TTC21B: variants seen among roughly 807,000 people sequenced by gnomAD.
TTC21B encodes the protein tetratricopeptide repeat domain 21B, also known as tetratricopeptide repeat protein 21B.
In TTC21B, 127 loss-of-function variants were observed where a neutral mutation model predicts 175.1. That is an observed-to-expected ratio of 0.73 (90% confidence interval 0.63 to 0.84). The LOEUF (loss-of-function observed/expected upper bound fraction) is 0.84, where lower values mean the gene tolerates loss of function less well. Ranked by LOEUF, TTC21B falls within the 40% of genes least tolerant of loss-of-function variation. The probability of loss-of-function intolerance (pLI) is 0.00; values close to 1 mark genes in which losing one functional copy is unlikely to be tolerated. For missense variants in TTC21B, 1,561 were observed against 1,558.3 expected, an observed-to-expected ratio of 1.00 and a Z score of -0.03; for synonymous variants, 524 against 524.5, an observed-to-expected ratio of 1.00 and a Z score of 0.01.
intron 6 of TTC21B, 53 bp from the exon 7 acceptor site, chr2:165,933,110 A>G (rs1553514620): frequency 1.0e-5 from 16 of 1,533,666 alleles, no homozygotes; most frequent in Middle Eastern, 3.4e-4. Context: ...ATTTTCTTTT[A>G]TTCGAGGGCA....
chr2:165,890,680 G>A (rs768220773), intron 23 of TTC21B, 40 bp from the exon 24 acceptor site: 11 of 1,593,244 alleles, frequency 6.9e-6, no homozygotes, highest in East Asian at 2.2e-5. Flanking sequence ...TTCAATCACT[G>A]ACTACAAAAT....
intron 6 of TTC21B, among the ~76,000 whole-genome samples, chr2:165,937,769 A>AACCACAC (rs1255737650): frequency 4.5e-4 from 52 of 114,392 alleles, no homozygotes; most frequent in African/African-American, 1.4e-3. Context: ...AATATATAGA[A>AACCACAC]ACCACACACA....
At chr2:165,891,841 T>C (rs1685207309) in intron 22 of TTC21B, among the ~76,000 whole-genome samples, 2 of 151,954 alleles carry the variant, frequency 1.3e-5, no homozygotes, top group African/African-American at 2.4e-5. Flanking sequence ...GATTAGCACA[T>C]TTTGGTGTGC....
At position 165,941,197 on chromosome 2, in the gene TTC21B, A is replaced by T; in HGVS notation, c.553-13T>A. 1 of 1,612,564 alleles carries T rather than the reference A, an allele frequency of 6.2e-7. No individual in the cohort carries two copies. On this transcript the variant is annotated splice_polypyrimidine_tract_variant and intron_variant, in intron 5 of 28. Coordinates refer to ENST00000243344, the MANE Select transcript of TTC21B (RefSeq NM_024753.5). ...CAAGGCATTGTGCCTAATGGAAGGG[A>T]AAAAAAGTGATATCCAAACTGTGAT...
In TTC21B at chr2:165,918,774, T is replaced by C. The variant is rs532106484; in HGVS notation, c.1674+502A>G. 2.0e-5 allele frequency among the ~76,000 whole-genome samples: 3 copies of C among 152,302 alleles called. No homozygotes were observed. The South Asian group carries it at 6.2e-4, about 32-fold the overall frequency. On this transcript the variant is annotated intron_variant, in intron 13 of 28. Coordinates refer to ENST00000243344, the MANE Select transcript of TTC21B (RefSeq NM_024753.5). ...AGGGGATACTGGATATAACACATAATATCTTGGATAGAAAAGTACTGTGTT... is the reference window on the plus strand; with the variant it reads ...AGGGGATACTGGATATAACACATAACATCTTGGATAGAAAAGTACTGTGTT...
At chr2:165,906,669 G>C (rs1685745364) in intron 19 of TTC21B, among the ~76,000 whole-genome samples, 1 of 152,120 alleles carries the variant, frequency 6.6e-6, no homozygotes, top group African/African-American at 2.4e-5. Flanking sequence ...TAGCAGCCGG[G>C]TGCGGTGGCT....
At chr2:165,880,300 T>C (rs566993977) in intron 27 of TTC21B, among the ~76,000 whole-genome samples, 2 of 152,300 alleles carry the variant, frequency 1.3e-5, no homozygotes, top group East Asian at 3.9e-4. Flanking sequence ...CGTTAGTGTT[T>C]AAAGGCTTTG....
intron 21 of TTC21B, 68 bp downstream of exon 21, chr2:165,899,702 C>T: frequency 9.8e-7 from 1 of 1,018,326 alleles, no homozygotes; most frequent in Non-Finnish European, 1.6e-6. Context: ...AGTAGTAGTT[C>T]CATGGGGTAA....
chr2:165,916,839 T>C (rs1356116202), intron 14 of TTC21B, among the ~76,000 whole-genome samples: 2 of 152,262 alleles, frequency 1.3e-5, no homozygotes, highest in East Asian at 3.9e-4. Flanking sequence ...ATTAAATTTT[T>C]CTAAAGTTTA....
intron 15 of TTC21B, 76 bp downstream of exon 15, chr2:165,915,125 A>T: frequency 8.3e-7 from 1 of 1,207,596 alleles, no homozygotes; most frequent in East Asian, 2.3e-5. Context: ...CAGTTGAAAG[A>T]AAGTTAAAAA....
At chr2:165,949,208 G>C (rs1687683553) in intron 3 of TTC21B, 186 bp downstream of exon 3, 1 of 614,202 alleles carries the variant, frequency 1.6e-6, no homozygotes, top group African/African-American at 1.9e-5. Context: ...CACGAAAATA[G>C]TATAAGACAC....
In TTC21B at chr2:165,874,723, C is replaced by T; in HGVS notation, c.*32G>A. The T allele has an allele frequency of 6.3e-7, 1 of 1,586,156 alleles. No individual in the cohort carries two copies. The highest frequency in any genetic ancestry group is 2.2e-5 in the East Asian group (1 of 44,574). On this transcript the variant is annotated 3_prime_UTR_variant, in exon 29 of 29. Coordinates refer to ENST00000243344, the MANE Select transcript of TTC21B (RefSeq NM_024753.5). ...CTGAAAGTTAGATTTCTTTCATTTC[C>T]TGTTAAACCAACACCTAAGTTAAAA... is the stretch of plus-strand genomic sequence containing the variant.
chr2:165,945,473 T>C, intron 4 of TTC21B, 51 bp downstream of exon 4: 1 of 1,528,932 alleles, frequency 6.5e-7, no homozygotes, highest in Non-Finnish European at 9.0e-7. Context: ...GATATATCAA[T>C]AACATAAGCA....
chr2:165,897,352 C>T (rs1685405175), intron 22 of TTC21B, among the ~76,000 whole-genome samples: 1 of 152,108 alleles, frequency 6.6e-6, no homozygotes, highest in Non-Finnish European at 1.5e-5. Context: ...TGATGGCATT[C>T]TAGGTATACT....
intron 18 of TTC21B, among the ~76,000 whole-genome samples, chr2:165,908,871 T>A (rs1417951590): frequency 6.6e-6 from 1 of 152,110 alleles, no homozygotes; most frequent in African/African-American, 2.4e-5. Context: ...CAAAAGAAGA[T>A]CTGACAAATC....
intron 3 of TTC21B, 121 bp from the exon 4 acceptor site, chr2:165,945,811 T>TA: frequency 1.1e-6 from 1 of 906,820 alleles, no homozygotes; most frequent in Non-Finnish European, 1.6e-6. Context: ...CTAATAGAAA[T>TA]AAAATGCAAG....
At chr2:165,886,560 T>G (rs1685002770) in intron 25 of TTC21B, among the ~76,000 whole-genome samples, 1 of 152,204 alleles carries the variant, frequency 6.6e-6, no homozygotes, top group African/African-American at 2.4e-5. Context: ...CATTGTCTTT[T>G]GAATAATATG....
intron 27 of TTC21B, among the ~76,000 whole-genome samples, chr2:165,876,637 C>G (rs903801375): frequency 3.3e-5 from 5 of 152,152 alleles, no homozygotes; most frequent in African/African-American, 1.2e-4. Context: ...CTGATGCCTA[C>G]AGTTATGAGG....
Position 165,917,299 on chromosome 2 carries a change from G to A in TTC21B, c.1857C>T (p.Ile619=). Residue 619 remains isoleucine, a synonymous_variant, in exon 14 of 29, where the codon ATC becomes ATT. Transcript: ENST00000243344. ...TEVDTSHRLS[I]FLELIDVHRL... The stretch of plus-strand genomic sequence containing the variant: ...GGTGAACGTCTATCAATTCAAGAAA[G>A]ATCGATAAACGATGGCTTGTATCAA... 6.2e-7 allele frequency: 1 copy of A among 1,614,144 alleles called. No homozygotes were observed. Among genetic ancestry groups the A allele is most frequent in the African/African-American group, 1.3e-5 (1 of 75,036 alleles).
Sources: allele counts gnomAD v4.1 joint callset (sites outside exome capture counted in the v4.1 genomes callset), GRCh38; gene constraint gnomAD v4.1.1; transcripts MANE v1.5; gene names NCBI Gene and HGNC (gene_info 2026-07-23, HGNC 2026-07-21).